CSMD1: variants seen among roughly 807,000 people sequenced by gnomAD.
The protein encoded by CSMD1 is CUB and Sushi multiple domains 1, also known as CUB and sushi domain-containing protein 1.
Under a neutral mutation model 417.5 loss-of-function variants are expected in CSMD1, and 213 were observed. The observed-to-expected ratio is 0.51, with a 90% CI of 0.46 to 0.57. The LOEUF is 0.57. Ranked by LOEUF, CSMD1 falls within the 20% of genes least tolerant of loss-of-function variation. The pLI is 0.00. For synonymous variants in CSMD1, 2,862 were observed against 1,736.8 expected, an observed-to-expected ratio of 1.65 and a Z score of -16.11; for missense variants, 6,923 against 4,529.7, an observed-to-expected ratio of 1.53 and a Z score of -15.17.
chr8:3,949,589 AT>A (rs1405769423), intron 5 of CSMD1, among the ~76,000 whole-genome samples: 1 of 152,146 alleles, frequency 6.6e-6, no homozygotes, highest in East Asian at 1.9e-4. Flanking sequence ...GGGGAAACTA[AT>A]TGAAGAACAT....
intron 50 of CSMD1, among the ~76,000 whole-genome samples, chr8:3,052,254 C>G (rs1240492178): frequency 6.6e-6 from 1 of 152,122 alleles, no homozygotes; most frequent in Admixed American, 6.5e-5. Flanking sequence ...TTAGGATTCA[C>G]CTAACATTCA....
At chr8:4,279,038 C>G (rs751268048) in intron 3 of CSMD1, among the ~76,000 whole-genome samples, 1 of 152,164 alleles carries the variant, frequency 6.6e-6, no homozygotes, top group African/African-American at 2.4e-5. Context: ...GGACACATTA[C>G]TTTCCATAAA....
intron 5 of CSMD1, among the ~76,000 whole-genome samples, chr8:3,978,003 G>C (rs959369533): frequency 6.6e-6 from 1 of 152,298 alleles, no homozygotes; most frequent in Admixed American, 6.5e-5. Flanking sequence ...GCATCTCATA[G>C]CTCTTACTCA....
At chr8:3,545,526 A>G (rs2116736962) in intron 10 of CSMD1, among the ~76,000 whole-genome samples, 1 of 152,324 alleles carries the variant, frequency 6.6e-6, no homozygotes, top group East Asian at 1.9e-4. Flanking sequence ...ACTGTTCGGT[A>G]TAATTTCACC....
chr8:3,104,208 T>A (rs1027072096), intron 46 of CSMD1, among the ~76,000 whole-genome samples: 3 of 152,212 alleles, frequency 2.0e-5, no homozygotes, highest in African/African-American at 7.2e-5. Flanking sequence ...CTGGGTTCAT[T>A]TCCATATAGA....
intron 3 of CSMD1, among the ~76,000 whole-genome samples, chr8:4,343,924 G>A (rs937312143): frequency 2.6e-5 from 4 of 152,116 alleles, no homozygotes; most frequent in African/African-American, 7.2e-5. Context: ...ATACTGCCAA[G>A]AGAAGTGTTT....
chr8:4,811,352 G>C (rs1350185774), intron 1 of CSMD1, among the ~76,000 whole-genome samples: 1 of 152,120 alleles, frequency 6.6e-6, no homozygotes, highest in Non-Finnish European at 1.5e-5. Context: ...ACTACCTTGA[G>C]TATTGGCCCC....
At chr8:4,719,202 G>T (rs889006526) in intron 1 of CSMD1, among the ~76,000 whole-genome samples, 46 of 152,148 alleles carry the variant, frequency 3.0e-4, no homozygotes, top group African/African-American at 9.7e-4. Context: ...GTGCAGGGGT[G>T]GGGGAGACTA....
chr8:3,933,750 G>C (rs1281412801), intron 5 of CSMD1, among the ~76,000 whole-genome samples: 2 of 152,106 alleles, frequency 1.3e-5, no homozygotes, highest in East Asian at 1.9e-4. Flanking sequence ...AATGAGGTGA[G>C]ATTTATTTAG....
chr8:3,725,264 A>G (rs1802417170), intron 6 of CSMD1, among the ~76,000 whole-genome samples: 1 of 152,184 alleles, frequency 6.6e-6, no homozygotes, highest in African/African-American at 2.4e-5. Flanking sequence ...GAGGTAACCA[A>G]TGAGTTTGGC....
intron 2 of CSMD1, among the ~76,000 whole-genome samples, chr8:4,543,257 G>T (rs766234088): frequency 6.6e-6 from 1 of 152,022 alleles, no homozygotes; most frequent in African/African-American, 2.4e-5. Flanking sequence ...CACATCTGAC[G>T]GTGTGGACTG....
At chr8:4,144,369 G>A (rs915439227) in intron 3 of CSMD1, among the ~76,000 whole-genome samples, 1 of 151,156 alleles carries the variant, frequency 6.6e-6, no homozygotes, top group Non-Finnish European at 1.5e-5. Context: ...TCTGATAAGG[G>A]TGTGTTTTTA....
chr8:4,917,256 A>T (rs1043430568), intron 1 of CSMD1, among the ~76,000 whole-genome samples: 2 of 152,102 alleles, frequency 1.3e-5, no homozygotes, highest in Non-Finnish European at 2.9e-5. Context: ...CAGTAGGGGG[A>T]TGGTTCTAAA....
rs1172040830 is a variant in CSMD1, at chr8:3,268,287, C to CTTTTTTTTTTTTTTTTT, written c.4153+15856_4153+15857insAAAAAAAAAAAAAAAAA. ...AGGGTGTGGTCAGATGGTTCATTTC[C>CTTTTTTTTTTTTTTTTT]TATTTTTTTTTTTTTTTTTTTTTTT... On this transcript the variant is annotated intron_variant, in intron 26 of 69. Coordinates refer to ENST00000635120, the MANE Select transcript of CSMD1 (RefSeq NM_033225.6). Among the ~76,000 whole-genome samples the CTTTTTTTTTTTTTTTTT allele has an allele frequency of 1.7e-5, 2 of 114,652 alleles. 1 individual carries two copies. Among genetic ancestry groups the CTTTTTTTTTTTTTTTTT allele is most frequent in the Non-Finnish European group, 3.4e-5 (2 of 58,094 alleles). 75.2% of individuals were successfully genotyped at this position (114,652 alleles called of 152,430 possible).
At chr8:4,744,413 G>C (rs543098420) in intron 1 of CSMD1, among the ~76,000 whole-genome samples, 2 of 152,094 alleles carry the variant, frequency 1.3e-5, no homozygotes, top group African/African-American at 4.8e-5. Flanking sequence ...TCTAGCCTGC[G>C]CAGGACACAG....
rs997822133 is a variant in CSMD1 at position 3,862,134 on chromosome 8, G to A, written c.819-108092C>T. ...TTTCAACTTTTTAATCTGCCCTGCT[G>A]TGAATTTAATTCAGTTCTCTATTGC... On this transcript the variant is annotated intron_variant, in intron 5 of 69. Coordinates refer to ENST00000635120, the MANE Select transcript of CSMD1 (RefSeq NM_033225.6). 3.3e-5 allele frequency among the ~76,000 whole-genome samples: 5 copies of A among 152,086 alleles called. No homozygotes were observed. The East Asian group carries it at 9.6e-4, about 29-fold the overall frequency.
chr8:4,481,149 G>A (rs1016342762), intron 2 of CSMD1, among the ~76,000 whole-genome samples: 8 of 152,192 alleles, frequency 5.3e-5, no homozygotes, highest in Admixed American at 1.3e-4. Context: ...AGCCACACAT[G>A]TAAGATTCCG....
rs560801068 is a variant in CSMD1 at position 3,097,600 on chromosome 8, G to C, written c.6950-563C>G. Among the ~76,000 whole-genome samples, 3 of 152,254 alleles carry C rather than the reference G, an allele frequency of 2.0e-5. No homozygotes were observed. The South Asian group carries it at 6.2e-4, about 32-fold the overall frequency. On this transcript the variant is annotated intron_variant, in intron 46 of 69. Coordinates refer to ENST00000635120, the MANE Select transcript of CSMD1 (RefSeq NM_033225.6). Reference sequence around the variant, plus strand: ...TGGACAAAGCTGGGATTCATGTCCTGGGTGAGACATAGCCCGGGGATGATG... The same window carrying C: ...TGGACAAAGCTGGGATTCATGTCCTCGGTGAGACATAGCCCGGGGATGATG...
At chr8:4,301,559 G>T (rs954948719) in intron 3 of CSMD1, among the ~76,000 whole-genome samples, 2 of 152,228 alleles carry the variant, frequency 1.3e-5, no homozygotes, top group African/African-American at 4.8e-5. Context: ...AATTCACCAA[G>T]TGGAAAGTCT....
Sources: allele counts gnomAD v4.1 joint callset (sites outside exome capture counted in the v4.1 genomes callset), GRCh38; gene constraint gnomAD v4.1.1; transcripts MANE v1.5; gene names NCBI Gene and HGNC (gene_info 2026-07-23, HGNC 2026-07-21).